Variants in NCOA7 observed in about 807,000 individuals in gnomAD.
NCOA7 encodes the protein nuclear receptor coactivator 7.
NCOA7 carries 45 observed loss-of-function variants against 104.3 expected under a neutral mutation model. That is an observed-to-expected ratio of 0.43 (90% confidence interval 0.34 to 0.55). NCOA7 has a LOEUF of 0.55. Ranked by LOEUF, NCOA7 falls within the 20% of genes least tolerant of loss-of-function variation. NCOA7 has a pLI of 0.02. For missense variants in NCOA7, 1,041 were observed against 1,119.7 expected (o/e 0.93, Z 1.00); for synonymous variants, 398 against 402.3 (o/e 0.99, Z 0.13).
At chr6:125,833,665 A>G (rs1194070425) in intron 2 of NCOA7, among the ~76,000 whole-genome samples, 1 of 152,032 alleles carries the variant, frequency 6.6e-6, no homozygotes, top group African/African-American at 2.4e-5. Flanking sequence ...GGTGGTGGCA[A>G]GGGGTGCTTT....
At chr6:125,843,215 T>C (rs889661083) in intron 2 of NCOA7, among the ~76,000 whole-genome samples, 1 of 152,146 alleles carries the variant, frequency 6.6e-6, no homozygotes, top group Admixed American at 6.6e-5. Context: ...GAGGTTTGAC[T>C]GCAGAGAAAG....
intron 14 of NCOA7, 131 bp downstream of exon 14, chr6:125,927,889 A>G (rs1168289094): frequency 1.2e-6 from 1 of 803,778 alleles, no homozygotes. Context: ...TCAGCCCTTT[A>G]TGACTGTAGC....
At chr6:125,897,703 G>A (rs962866248) in intron 10 of NCOA7, among the ~76,000 whole-genome samples, 2 of 151,610 alleles carry the variant, frequency 1.3e-5, no homozygotes. Context: ...TTTTGAGATG[G>A]CATTTTGCTC....
chr6:125,850,742 AG>A (rs1781048005), intron 2 of NCOA7, among the ~76,000 whole-genome samples: 1 of 152,242 alleles, frequency 6.6e-6, no homozygotes, highest in East Asian at 1.9e-4. Flanking sequence ...CACCTTCGGA[AG>A]GGGGCAACAA....
In NCOA7 at chr6:125,889,333, G is replaced by A. The variant is rs1784461556; in HGVS notation, c.1279G>A (p.Gly427Ser). Reference protein sequence around the residue: ...VDLEELSSQTGGGMHKKDTLK... With the variant: ...VDLEELSSQTSGGMHKKDTLK... Reference sequence around the variant, plus strand: ...CTTGGAAGAACTTTCTTCTCAAACTGGTGGTGGAATGCACAAAAAAGACAC... The same window carrying A: ...CTTGGAAGAACTTTCTTCTCAAACTAGTGGTGGAATGCACAAAAAAGACAC... The change falls in exon 9 of 16, where the codon GGT becomes AGT. Residue 427 changes from glycine (G) to serine (S), a missense_variant. Coordinates refer to ENST00000392477, the MANE Select transcript of NCOA7 (RefSeq NM_181782.5). 1.9e-6 allele frequency: 3 copies of A among 1,614,004 alleles called. No individual in the cohort carries two copies. Among genetic ancestry groups the A allele is most frequent in the East Asian group, 4.5e-5 (2 of 44,886 alleles).
chr6:125,915,990 C>T (rs1787037978), intron 11 of NCOA7, among the ~76,000 whole-genome samples: 1 of 152,262 alleles, frequency 6.6e-6, no homozygotes, highest in South Asian at 2.1e-4. Flanking sequence ...CATACAAAAA[C>T]AGGTGGTAGA....
chr6:125,923,251 T>G (rs1417301189), intron 13 of NCOA7, among the ~76,000 whole-genome samples: 1 of 152,200 alleles, frequency 6.6e-6, no homozygotes, highest in Admixed American at 6.5e-5. Flanking sequence ...GCCAAAGTAG[T>G]GCCCACAAAC....
chr6:125,906,116 G>A (rs749008905), intron 10 of NCOA7, among the ~76,000 whole-genome samples: 1 of 152,104 alleles, frequency 6.6e-6, no homozygotes, highest in Non-Finnish European at 1.5e-5. Flanking sequence ...AGGAGATAGG[G>A]GAATGGAAAG....
chr6:125,832,212 G>A (rs777914280), intron 2 of NCOA7, among the ~76,000 whole-genome samples: 1 of 152,168 alleles, frequency 6.6e-6, no homozygotes, highest in Non-Finnish European at 1.5e-5. Flanking sequence ...AAAGGCACTA[G>A]GGAATCATTT....
chr6:125,906,401 G>A (rs1192648216), intron 10 of NCOA7, among the ~76,000 whole-genome samples: 1 of 152,142 alleles, frequency 6.6e-6, no homozygotes, highest in African/African-American at 2.4e-5. Flanking sequence ...AGCTACAGGT[G>A]AGTACGGAGC....
intron 3 of NCOA7, among the ~76,000 whole-genome samples, chr6:125,863,746 T>C (rs1331777307): frequency 1.5e-5 from 2 of 137,682 alleles, no homozygotes; most frequent in Non-Finnish European, 3.1e-5. Flanking sequence ...CTGGCAAATG[T>C]GGAGTGTGTT....
intron 4 of NCOA7, chr6:125,875,344 C>G (rs1371877343): frequency 5.9e-6 from 1 of 170,456 alleles, no homozygotes; most frequent in Non-Finnish European, 1.3e-5. Context: ...TTTCTTGGGT[C>G]ACGGGTATTC....
intron 8 of NCOA7, 101 bp from the exon 9 acceptor site, chr6:125,888,838 G>T: frequency 2.6e-6 from 2 of 774,846 alleles, no homozygotes; most frequent in Non-Finnish European, 4.1e-6. Context: ...TTATGTATTG[G>T]TTTTTGGTTG....
chr6:125,806,532 G>A (rs1006640090), intron 1 of NCOA7, among the ~76,000 whole-genome samples: 34 of 152,216 alleles, frequency 2.2e-4, no homozygotes, highest in Admixed American at 9.2e-4. Flanking sequence ...TAGTTTACCC[G>A]TGGGGCTTGA....
intron 2 of NCOA7, among the ~76,000 whole-genome samples, chr6:125,817,058 G>C (rs986559474): frequency 8.5e-5 from 13 of 152,112 alleles, no homozygotes; most frequent in African/African-American, 3.1e-4. Context: ...TTACTCCCTT[G>C]ACATCCCTCA....
chr6:125,884,190 A>C (rs930868509), intron 7 of NCOA7, among the ~76,000 whole-genome samples: 2 of 152,198 alleles, frequency 1.3e-5, no homozygotes, highest in Non-Finnish European at 2.9e-5. Context: ...ACAGGATTGC[A>C]TTCTTTTTTT....
intron 5 of NCOA7, 29 bp from the exon 6 acceptor site, chr6:125,881,061 C>A: frequency 1.4e-6 from 2 of 1,443,656 alleles, no homozygotes; most frequent in Non-Finnish European, 9.8e-7. Context: ...GTTGCTGGTA[C>A]TCACCCATCT....
intron 2 of NCOA7, among the ~76,000 whole-genome samples, chr6:125,823,334 T>A (rs1386452683): frequency 6.6e-6 from 1 of 152,212 alleles, no homozygotes; most frequent in Non-Finnish European, 1.5e-5. Context: ...TATAAATGGT[T>A]TGTGAATTTT....
chr6:125,888,822 ATATATT>A, intron 8 of NCOA7, 111 bp from the exon 9 acceptor site: 1 of 600,414 alleles, frequency 1.7e-6, no homozygotes, highest in African/African-American at 1.9e-5. Flanking sequence ...TTAAGTTGTG[ATATATT>A]TATGTATTGG....
Sources: gnomAD v4.1 joint callset for allele counts (sites outside exome capture counted in the v4.1 genomes callset) on GRCh38, gnomAD v4.1.1 for gene constraint, MANE v1.5 for transcripts, NCBI Gene and HGNC (gene_info 2026-07-23, HGNC 2026-07-21) for gene names.